The following EPM2A variants were observed in gnomAD, a reference collection of about 807,000 sequenced individuals.
The protein encoded by EPM2A is laforin.
In EPM2A, 21 loss-of-function variants were observed where a neutral mutation model predicts 26.5. The ratio of observed to expected loss-of-function variants is 0.79; its 90% CI spans 0.56 to 1.14. EPM2A has a LOEUF of 1.14. Among genes scored for constraint, EPM2A ranks in the 50% most tolerant of loss-of-function variants. EPM2A has a pLI of 0.00. For synonymous variants in EPM2A, 217 were observed against 177.6 expected, an observed-to-expected ratio of 1.22 and a Z score of -1.76; for missense variants, 458 against 440.8, an observed-to-expected ratio of 1.04 and a Z score of -0.35.
chr6:145,671,037 G>T, intron 2 of EPM2A: 1 of 985,144 alleles, frequency 1.0e-6, no homozygotes, highest in South Asian at 4.7e-5. Flanking sequence ...AATGCTAATT[G>T]AAATTAGTGT....
chr6:145,667,680 C>T (rs1424659907), intron 2 of EPM2A, among the ~76,000 whole-genome samples: 3 of 147,398 alleles, frequency 2.0e-5, no homozygotes, highest in Non-Finnish European at 4.4e-5. Flanking sequence ...AACCAAAGGA[C>T]TATAAATCAT....
chr6:145,649,567 C>T (rs1777727943), intron 2 of EPM2A, among the ~76,000 whole-genome samples: 1 of 152,136 alleles, frequency 6.6e-6, no homozygotes, highest in Non-Finnish European at 1.5e-5. Flanking sequence ...GAAGACAGCT[C>T]TCTATGGGAA....
At chr6:145,734,375 A>G (rs1265861338) in intron 1 of EPM2A, among the ~76,000 whole-genome samples, 2 of 152,188 alleles carry the variant, frequency 1.3e-5, no homozygotes, top group South Asian at 2.1e-4. Context: ...GTATATGCAT[A>G]TATCACATAC....
At chr6:145,396,538 T>C (rs9484984) in intron 4 of EPM2A, among the ~76,000 whole-genome samples, 8,114 of 151,876 alleles carry the variant, frequency 0.053, 521 homozygotes, top group African/African-American at 0.15. Flanking sequence ...CAGACAATAC[T>C]GTTGGAGACT....
chr6:145,652,476 T>C (rs1777952296), intron 2 of EPM2A, among the ~76,000 whole-genome samples: 2 of 152,236 alleles, frequency 1.3e-5, no homozygotes, highest in South Asian at 2.1e-4. Flanking sequence ...ACAGAACATA[T>C]GAACTTTTAA....
At chr6:145,701,988 C>A (rs1781938898) in intron 1 of EPM2A, among the ~76,000 whole-genome samples, 1 of 152,136 alleles carries the variant, frequency 6.6e-6, no homozygotes, top group Admixed American at 6.5e-5. Context: ...TACCTCTTCG[C>A]TATAACACAG....
chr6:145,468,128 G>A (rs1007351932), intron 4 of EPM2A, among the ~76,000 whole-genome samples: 3 of 151,952 alleles, frequency 2.0e-5, no homozygotes, highest in Non-Finnish European at 4.4e-5. Flanking sequence ...GGAATATTGA[G>A]AGTAGATACT....
chr6:145,527,171 T>TA lies in EPM2A; in HGVS notation c.341-24597dup, dbSNP rs980013476. 5.3e-5 allele frequency among the ~76,000 whole-genome samples: 8 copies of TA among 151,886 alleles called. No individual in the cohort carries two copies. In the South Asian group the frequency reaches 8.3e-4, roughly 16 times the overall value. ...ATATATTTGGTATCATTTTGATTTT[T>TA]AAAAAAAAATTATTAAGACTTACTT... On this transcript the variant is annotated intron_variant, in intron 2 of 3. Transcript: ENST00000450221.
intron 1 of EPM2A, among the ~76,000 whole-genome samples, chr6:145,689,708 C>A (rs1262988595): frequency 1.3e-5 from 2 of 152,232 alleles, no homozygotes; most frequent in Non-Finnish European, 2.9e-5. Flanking sequence ...GCCCCACACC[C>A]ACTCAGGCCA....
intron 3 of EPM2A, among the ~76,000 whole-genome samples, chr6:145,632,690 C>A (rs1384599199): frequency 6.6e-6 from 1 of 152,166 alleles, no homozygotes; most frequent in Non-Finnish European, 1.5e-5. Context: ...CAACTGAGAG[C>A]ATTATGCTGC....
chr6:145,522,837 C>T (rs1296823095), intron 2 of EPM2A, among the ~76,000 whole-genome samples: 1 of 131,644 alleles, frequency 7.6e-6, no homozygotes, highest in African/African-American at 2.6e-5. Context: ...TCCTCAAAGA[C>T]ACTCTCTTTT....
At chr6:145,583,322 A>G (rs1781141270) in intron 2 of EPM2A, among the ~76,000 whole-genome samples, 1 of 151,774 alleles carries the variant, frequency 6.6e-6, no homozygotes, top group Non-Finnish European at 1.5e-5. Context: ...TGTCCTTTGG[A>G]TGGGTTTTTT....
At chr6:145,497,797 C>A (rs1779840186), downstream of EPM2A, among the ~76,000 whole-genome samples, 1 of 152,240 alleles carries the variant, frequency 6.6e-6, no homozygotes, top group Admixed American at 6.5e-5. Context: ...GATCAGAGAC[C>A]TGCTTAAGGA....
At chr6:145,454,914 CAA>C (rs1235103129) in intron 4 of EPM2A, among the ~76,000 whole-genome samples, 1 of 151,942 alleles carries the variant, frequency 6.6e-6, no homozygotes, top group African/African-American at 2.4e-5. Context: ...ATATTAATAA[CAA>C]AGAATTACTA....
chr6:145,391,022 G>A (rs1778330361), intron 4 of EPM2A, among the ~76,000 whole-genome samples: 1 of 152,058 alleles, frequency 6.6e-6, no homozygotes, highest in Non-Finnish European at 1.5e-5. Context: ...AGCCTGAGAT[G>A]GAAATGAGGC....
chr6:145,505,404 C>T (rs1370032299), intron 2 of EPM2A, among the ~76,000 whole-genome samples: 1 of 152,016 alleles, frequency 6.6e-6, no homozygotes, highest in Non-Finnish European at 1.5e-5. Context: ...CAAACACACA[C>T]ACAAATATGT....
At chr6:145,652,462 C>T (rs1777951068) in intron 2 of EPM2A, among the ~76,000 whole-genome samples, 1 of 152,030 alleles carries the variant, frequency 6.6e-6, no homozygotes, top group Non-Finnish European at 1.5e-5. Context: ...AAGGTGTTTA[C>T]AAGACAGAAC....
chr6:145,417,620 A>G (rs1306564296), intron 4 of EPM2A, among the ~76,000 whole-genome samples: 1 of 152,080 alleles, frequency 6.6e-6, no homozygotes, highest in Non-Finnish European at 1.5e-5. Flanking sequence ...ATAACTTACC[A>G]ATTTCATCAC....
chr6:145,701,765 T>C (rs1034526764), intron 1 of EPM2A, among the ~76,000 whole-genome samples: 2 of 152,234 alleles, frequency 1.3e-5, no homozygotes, highest in Non-Finnish European at 2.9e-5. Flanking sequence ...TCATATTTCC[T>C]TAGGCATCAC....
Sources: allele counts gnomAD v4.1 joint callset (sites outside exome capture counted in the v4.1 genomes callset), GRCh38; gene constraint gnomAD v4.1.1; transcripts MANE v1.5; gene names NCBI Gene and HGNC (gene_info 2026-07-23, HGNC 2026-07-21).